The following CDH13 variants were observed in gnomAD, a reference collection of about 807,000 sequenced individuals.
The protein encoded by CDH13 is cadherin 13.
A neutral mutation model predicts 63.8 loss-of-function variants in CDH13; 24 were observed. That is an observed-to-expected ratio of 0.38 (90% confidence interval 0.27 to 0.53). The LOEUF (loss-of-function observed/expected upper bound fraction) is 0.53, where lower values mean the gene tolerates loss of function less well. CDH13 is among the 20% of genes least tolerant of loss of function. CDH13 has a pLI of 0.85. For synonymous variants in CDH13, 503 were observed against 355.3 expected (o/e 1.42, Z -4.67); for missense variants, 1,049 against 903.1 (o/e 1.16, Z -2.07).
chr16:83,043,624 C>T (rs993571406), intron 3 of CDH13, among the ~76,000 whole-genome samples: 1 of 151,612 alleles, frequency 6.6e-6, no homozygotes, highest in African/African-American at 2.4e-5. Context: ...TTTAAGAGGC[C>T]AAGGCAGGCG....
chr16:83,670,659 C>G (rs997382957), intron 8 of CDH13, 131 bp from the exon 9 acceptor site: 1 of 854,928 alleles, frequency 1.2e-6, no homozygotes, highest in African/African-American at 1.7e-5. Context: ...TAGTATCTTC[C>G]AACCGTAATC....
chr16:83,449,256 T>C lies in CDH13; in HGVS notation c.782-37221T>C, dbSNP rs565657480. ...GGAGATAGGAGGCCCTCAATGTTTC[T>C]TTGAGACCTGAGATGAGAGGATGAT... On this transcript the variant is annotated intron_variant, in intron 6 of 13. Coordinates refer to ENST00000567109, the MANE Select transcript of CDH13 (RefSeq NM_001257.5). Among the ~76,000 whole-genome samples the C allele has an allele frequency of 1.4e-3, 208 of 152,320 alleles. 9 individuals are homozygous for C. The South Asian group carries it at 0.04, about 30-fold the overall frequency.
Position 83,339,040 on chromosome 16 carries a change from G to A in CDH13, c.637-5822G>A, listed in dbSNP as rs527771268. Reference sequence around the variant, plus strand: ...GTGGCAGGCAGTCATGGCTGTGCAGGAAGACCCACAGGGCGCCTTGCACAG... The same window carrying A: ...GTGGCAGGCAGTCATGGCTGTGCAGAAAGACCCACAGGGCGCCTTGCACAG... On this transcript the variant is annotated intron_variant, in intron 5 of 13. Coordinates refer to ENST00000567109, the MANE Select transcript of CDH13 (RefSeq NM_001257.5). Among the ~76,000 whole-genome samples, 3 of 152,278 alleles carry A rather than the reference G, an allele frequency of 2.0e-5. No homozygotes were observed. In the South Asian group the frequency reaches 6.2e-4, roughly 32 times the overall value.
chr16:83,469,344 C>T (rs117435679), intron 6 of CDH13, among the ~76,000 whole-genome samples: 3,933 of 152,238 alleles, frequency 0.026, 56 homozygotes, highest in Middle Eastern at 0.068. Flanking sequence ...GCTCAGTGAA[C>T]GGGCAAGTTA....
intron 2 of CDH13, among the ~76,000 whole-genome samples, chr16:83,014,009 C>T (rs769925757): frequency 1.3e-5 from 2 of 152,132 alleles, no homozygotes; most frequent in South Asian, 2.1e-4. Context: ...CTTTGCTAAA[C>T]ACTCGAGGTA....
intron 5 of CDH13, among the ~76,000 whole-genome samples, chr16:83,326,811 A>G (rs2090373122): frequency 6.6e-6 from 1 of 152,190 alleles, no homozygotes; most frequent in Admixed American, 6.5e-5. Context: ...TCCTATAACA[A>G]AGCCAAATGC....
At chr16:83,080,863 G>GTGTTT (rs2033181067) in intron 3 of CDH13, among the ~76,000 whole-genome samples, 1 of 52,714 alleles carries the variant, frequency 1.9e-5, no homozygotes, top group African/African-American at 7.6e-5. Flanking sequence ...GTTTTGTTTT[G>GTGTTT]TTTTTGTGTT....
At chr16:83,723,086 C>T (rs76798939) in intron 10 of CDH13, among the ~76,000 whole-genome samples, 22,242 of 152,200 alleles carry the variant, frequency 0.15, 1,925 homozygotes, top group Middle Eastern at 0.27. Context: ...ATCATGCAGA[C>T]ATGTCAGTCT....
At chr16:83,054,272 CAA>C (rs751933167) in intron 3 of CDH13, among the ~76,000 whole-genome samples, 10 of 152,130 alleles carry the variant, frequency 6.6e-5, no homozygotes, top group Non-Finnish European at 1.3e-4. Flanking sequence ...GCAAATATGA[CAA>C]AGTTTAATTT....
intron 1 of CDH13, among the ~76,000 whole-genome samples, chr16:82,821,108 A>T (rs1036465508): frequency 2.6e-5 from 4 of 152,190 alleles, no homozygotes; most frequent in Admixed American, 2.6e-4. Flanking sequence ...ACTGATGACT[A>T]CTTAATCCTT....
rs192707966 is a variant in CDH13, at chr16:83,594,587, G to A, written c.961-7867G>A. ...GAAACATTCGATATGGAAAAAGTGG[G>A]GTACCATGGAAAGAAATTCGGTCTA... On this transcript the variant is annotated intron_variant, in intron 7 of 13. Coordinates refer to ENST00000567109, the MANE Select transcript of CDH13 (RefSeq NM_001257.5). Among the ~76,000 whole-genome samples the A allele has an allele frequency of 1.3e-3, 191 of 152,244 alleles. 5 individuals are homozygous for A. The East Asian group carries it at 0.02, about 16-fold the overall frequency.
intron 6 of CDH13, among the ~76,000 whole-genome samples, chr16:83,478,597 G>T (rs1268417062): frequency 6.6e-6 from 1 of 152,158 alleles, no homozygotes; most frequent in African/African-American, 2.4e-5. Flanking sequence ...CCAGGGAAGG[G>T]CCGCCAAAGG....
Position 83,783,417 on chromosome 16 carries a change from G to C in CDH13, c.2079G>C (p.Gly693=). 1 of 1,613,960 alleles carries C rather than the reference G, an allele frequency of 6.2e-7. No homozygotes were observed. Among genetic ancestry groups the C allele is most frequent in the East Asian group, 2.2e-5 (1 of 44,876 alleles). ...CCAAAGTGGACTGCAACGCGGCAGG[G>C]GCCCTGCGCTTCAGCCTGCCCTCAG... ...RNSKVDCNAA[G]ALRFSLPSVL... The change falls in exon 13 of 14, where the codon GGG becomes GGC. Residue 693 remains glycine, a synonymous_variant. Transcript: ENST00000567109.
chr16:83,511,160 A>T (rs1178853623), intron 7 of CDH13, among the ~76,000 whole-genome samples: 2 of 152,136 alleles, frequency 1.3e-5, no homozygotes, highest in Non-Finnish European at 2.9e-5. Flanking sequence ...ACACACGCTC[A>T]CACACACAGA....
At chr16:83,507,597 C>G (rs2074431891) in intron 7 of CDH13, among the ~76,000 whole-genome samples, 1 of 152,202 alleles carries the variant, frequency 6.6e-6, no homozygotes, top group Non-Finnish European at 1.5e-5. Flanking sequence ...CTTAACTGAG[C>G]TAGACTGTTA....
chr16:83,330,533 G>A (rs1168864744), intron 5 of CDH13, among the ~76,000 whole-genome samples: 2 of 152,182 alleles, frequency 1.3e-5, no homozygotes, highest in East Asian at 3.9e-4. Flanking sequence ...AACCCAAAGT[G>A]CTAAGTTAAC....
chr16:83,529,087 CTGTCT>C (rs2075025815), intron 7 of CDH13, among the ~76,000 whole-genome samples: 1 of 115,164 alleles, frequency 8.7e-6, no homozygotes, highest in Non-Finnish European at 1.9e-5. Context: ...ATGAATACCT[CTGTCT>C]TTTTTTTTTT....
intron 8 of CDH13, among the ~76,000 whole-genome samples, chr16:83,629,445 A>C (rs769830549): frequency 4.6e-5 from 7 of 152,196 alleles, no homozygotes; most frequent in Admixed American, 6.5e-5. Context: ...ACAAATTTTA[A>C]TGCTACTATT....
intron 4 of CDH13, among the ~76,000 whole-genome samples, chr16:83,175,441 T>A (rs1567477714): frequency 6.6e-6 from 1 of 152,064 alleles, no homozygotes; most frequent in Non-Finnish European, 1.5e-5. Context: ...AATGAGCCAG[T>A]GTGGAGACTG....
Sources: gnomAD v4.1 joint callset for allele counts (sites outside exome capture counted in the v4.1 genomes callset) on GRCh38, gnomAD v4.1.1 for gene constraint, MANE v1.5 for transcripts, NCBI Gene and HGNC (gene_info 2026-07-23, HGNC 2026-07-21) for gene names.